Variants in PCSK5 observed in about 807,000 individuals in gnomAD.
The protein encoded by PCSK5 is proprotein convertase subtilisin/kexin type 5, also known as prohormone convertase 5.
Under a neutral mutation model 233.2 loss-of-function variants are expected in PCSK5, and 129 were observed. The ratio of observed to expected loss-of-function variants is 0.55; its 90% confidence interval spans 0.48 to 0.64. The LOEUF is 0.64. Ranked by LOEUF, PCSK5 falls within the 30% of genes least tolerant of loss-of-function variation. The pLI is 0.00. For synonymous variants in PCSK5, 825 were observed against 879.2 expected, an observed-to-expected ratio of 0.94 and a Z score of 1.09; for missense variants, 2,076 against 2,430.1, an observed-to-expected ratio of 0.85 and a Z score of 3.06.
chr9:75,965,726 T>G (rs1825555886), intron 2 of PCSK5, among the ~76,000 whole-genome samples: 1 of 152,186 alleles, frequency 6.6e-6, no homozygotes. Context: ...TAAAATTAAT[T>G]ATCATACTGC....
intron 1 of PCSK5, among the ~76,000 whole-genome samples, chr9:75,891,829 G>C (rs1350515754): frequency 6.6e-6 from 1 of 152,054 alleles, no homozygotes; most frequent in Non-Finnish European, 1.5e-5. Flanking sequence ...TTCCTGCTCG[G>C]ACCTGAATTT....
intron 12 of PCSK5, among the ~76,000 whole-genome samples, chr9:76,163,620 G>A (rs76677142): frequency 0.027 from 4,117 of 152,242 alleles, 190 homozygotes; most frequent in African/African-American, 0.093. Flanking sequence ...TAACAAAAAG[G>A]CAAATTGAAT....
At chr9:76,027,686 A>C (rs1207612372) in intron 5 of PCSK5, among the ~76,000 whole-genome samples, 1 of 151,816 alleles carries the variant, frequency 6.6e-6, no homozygotes, top group East Asian at 1.9e-4. Context: ...ATATTTTAAC[A>C]TTCCTCAGGC....
rs576421905 is a variant in PCSK5, at chr9:76,330,643, T to C, written c.4571-1790T>C. Among the ~76,000 whole-genome samples the C allele has an allele frequency of 1.1e-4, 16 of 152,008 alleles. No individual in the cohort carries two copies. In the South Asian group the frequency reaches 3.1e-3, roughly 30 times the overall value. ...AAAAATTTTAAACATTAAAAAAAAA[T>C]GTTTTAAAGACATGCATGGCAAGCT... On this transcript the variant is annotated intron_variant, in intron 33 of 37. Coordinates refer to ENST00000674117, the MANE Select transcript of PCSK5 (RefSeq NM_001372043.1).
intron 24 of PCSK5, among the ~76,000 whole-genome samples, chr9:76,242,417 T>C (rs1826458527): frequency 6.6e-6 from 1 of 152,220 alleles, no homozygotes; most frequent in African/African-American, 2.4e-5. Flanking sequence ...TATCTTCCAC[T>C]ATAAAATGAT....
chr9:75,998,311 C>CAG (rs1827110685), intron 3 of PCSK5, among the ~76,000 whole-genome samples: 1 of 152,218 alleles, frequency 6.6e-6, no homozygotes, highest in East Asian at 1.9e-4. Context: ...CTCTGTGTCC[C>CAG]AGGCCCTTCC....
intron 5 of PCSK5, among the ~76,000 whole-genome samples, chr9:76,052,578 C>T (rs751819057): frequency 1.3e-5 from 2 of 152,150 alleles, no homozygotes; most frequent in Admixed American, 6.5e-5. Context: ...GTCCCTCCCA[C>T]GATGCGTGGG....
intron 2 of PCSK5, among the ~76,000 whole-genome samples, chr9:75,970,503 A>T (rs1012801372): frequency 6.6e-6 from 1 of 152,180 alleles, no homozygotes; most frequent in Admixed American, 6.5e-5. Flanking sequence ...ATGAGTCTCA[A>T]CCATTTTAAA....
In PCSK5 at chr9:75,973,468, A is replaced by G. The variant is rs900996680; in HGVS notation, c.298-12664A>G. Among the ~76,000 whole-genome samples the G allele has an allele frequency of 2.1e-5, 3 of 144,804 alleles. No homozygotes were observed. In the Admixed American group the frequency reaches 2.1e-4, roughly 10 times the overall value. 95.0% of individuals were successfully genotyped at this position (144,804 alleles called of 152,430 possible). A position where few individuals can be genotyped will look rare whatever the true frequency, so the allele number is the denominator to read the frequency against. On this transcript the variant is annotated intron_variant, in intron 2 of 37. Coordinates refer to ENST00000674117, the MANE Select transcript of PCSK5 (RefSeq NM_001372043.1). ...TTACCAATTATTCTTTGACTAAAAG[A>G]GCAGTGAATACAGTCATTAATTCTG... is the stretch of plus-strand genomic sequence containing the variant.
At chr9:76,213,787 CA>C (rs1825417569) in intron 20 of PCSK5, among the ~76,000 whole-genome samples, 2 of 152,068 alleles carry the variant, frequency 1.3e-5, no homozygotes, top group Non-Finnish European at 2.9e-5. Flanking sequence ...GTTTCTACTT[CA>C]GTCAACCCAA....
chr9:76,188,619 G>A lies in PCSK5; in HGVS notation c.2324G>A (p.Arg775Gln), dbSNP rs200195178. Residue 775 changes from arginine to glutamine, a missense_variant, in exon 18 of 38, where the codon CGG becomes CAG. This residue lies in a region of PCSK5 where 1,510 missense variants were observed against 1,538.1 expected (regional missense o/e 0.98). Coordinates refer to ENST00000674117, the MANE Select transcript of PCSK5 (RefSeq NM_001372043.1). ...SRCSVSCEDGRYFNGQDCQPC... is the reference protein window; with the variant it reads ...SRCSVSCEDGQYFNGQDCQPC... ...TGCTCTGTCTCCTGTGAAGATGGAC[G>A]GTATTTCAACGGCCAGGACTGCCAG... The A allele has an allele frequency of 1.9e-4, 309 of 1,613,746 alleles. 1 individual carries two copies. The highest frequency in any genetic ancestry group is 2.2e-4 in the East Asian group (10 of 44,862).
At chr9:76,130,673 T>C (rs942618904) in intron 9 of PCSK5, among the ~76,000 whole-genome samples, 1 of 152,192 alleles carries the variant, frequency 6.6e-6, no homozygotes, top group African/African-American at 2.4e-5. Context: ...TGATTACATA[T>C]ACAGAACTCC....
At chr9:76,151,743 G>C (rs570882858) in intron 10 of PCSK5, among the ~76,000 whole-genome samples, 26 of 152,282 alleles carry the variant, frequency 1.7e-4, no homozygotes, top group African/African-American at 6.3e-4. Flanking sequence ...GATAGCCCTT[G>C]TATTTGACTG....
chr9:76,233,329 C>A, intron 21 of PCSK5, 131 bp from the exon 22 acceptor site: 2 of 854,968 alleles, frequency 2.3e-6, no homozygotes, highest in East Asian at 2.6e-5. Context: ...TGATCACTCC[C>A]AGGCATCCCC....
rs1830447250 is a variant in PCSK5 at position 76,362,621 on chromosome 9, TA to T, written c.*3704del. On this transcript the variant is annotated 3_prime_UTR_variant, in exon 38 of 38. Coordinates refer to ENST00000674117, the MANE Select transcript of PCSK5 (RefSeq NM_001372043.1). ...TTTCTGCCTCCAAAGAAAGAAGAAG[TA>T]AAAACTAAAAGGCAAAAATGAAATC... is the stretch of plus-strand genomic sequence containing the variant. Among the ~76,000 whole-genome samples, 1 of 152,084 alleles carries T rather than the reference TA, an allele frequency of 6.6e-6. No homozygotes were observed. Among genetic ancestry groups the T allele is most frequent in the Non-Finnish European group, 1.5e-5 (1 of 68,026 alleles).
At chr9:76,348,636 T>A (rs1181066349) in intron 35 of PCSK5, among the ~76,000 whole-genome samples, 1 of 152,102 alleles carries the variant, frequency 6.6e-6, no homozygotes, top group East Asian at 1.9e-4. Context: ...TACTTAATCC[T>A]TTTTGTGGTA....
chr9:76,348,514 C>T (rs13285802), intron 35 of PCSK5, among the ~76,000 whole-genome samples: 5 of 151,524 alleles, frequency 3.3e-5, no homozygotes, highest in East Asian at 1.9e-4. Flanking sequence ...CCCAGGAGGT[C>T]GAGGCTGCAG....
At chr9:76,124,942 T>C (rs1308714407) in intron 9 of PCSK5, among the ~76,000 whole-genome samples, 2 of 152,098 alleles carry the variant, frequency 1.3e-5, no homozygotes, top group Non-Finnish European at 2.9e-5. Context: ...GCTTGGTTGA[T>C]TCCTTTTCCC....
chr9:75,994,931 T>C (rs567574402), intron 3 of PCSK5, among the ~76,000 whole-genome samples: 1 of 152,352 alleles, frequency 6.6e-6, no homozygotes, highest in East Asian at 1.9e-4. Flanking sequence ...ACATGATTTG[T>C]TCTCTGCTCA....
Sources: gnomAD v4.1 joint callset for allele counts (sites outside exome capture counted in the v4.1 genomes callset) on GRCh38, gnomAD v4.1.1 for gene constraint, gnomAD v4.1.1 regional missense constraint, MANE v1.5 for transcripts, NCBI Gene and HGNC (gene_info 2026-07-23, HGNC 2026-07-21) for gene names.